The following ZNF717 variants were observed in gnomAD, a reference collection of about 807,000 sequenced individuals.
ZNF717 encodes krueppel-like factor X17.
ZNF717 carries 9 observed loss-of-function variants against 13.8 expected under a neutral mutation model. The ratio of observed to expected loss-of-function variants is 0.65; its 90% CI spans 0.39 to 1.14. The LOEUF is 1.14. Among genes scored for constraint, ZNF717 ranks in the 50% most tolerant of loss-of-function variants. The pLI, the probability that ZNF717 is intolerant of heterozygous loss-of-function variation, is 0.01. For missense variants in ZNF717, 1,040 were observed against 1,080.7 expected, an observed-to-expected ratio of 0.96 and a Z score of 0.53; for synonymous variants, 327 against 364.1, an observed-to-expected ratio of 0.90 and a Z score of 1.16.
chr3:75,705,835 G>T (rs1172952879), downstream of ZNF717, among the ~76,000 whole-genome samples: 19 of 151,798 alleles, frequency 1.3e-4, no homozygotes, highest in Admixed American at 2.6e-4. Flanking sequence ...CAGAGGTTCT[G>T]GGAAAATTCA....
rs1205597937 is a variant in ZNF717, at chr3:75,737,314, T to C, written c.2309A>G (p.Lys770Arg). 1 of 1,552,672 alleles carries C rather than the reference T, an allele frequency of 6.4e-7. No individual in the cohort carries two copies. The highest frequency in any genetic ancestry group is 8.7e-7 in the Non-Finnish European group (1 of 1,147,624). ...CCCCTGATGCGTACTGAGGTTTGACTTGTGACAAAAGGTTTTCCCACACTC... is the reference window on the plus strand; with the variant it reads ...CCCCTGATGCGTACTGAGGTTTGACCTGTGACAAAAGGTTTTCCCACACTC... ...CNECGKTFCHKSNLSTHQGTH... is the reference protein window; with the variant it reads ...CNECGKTFCHRSNLSTHQGTH... The change falls in exon 5 of 5, where the codon AAG becomes AGG. Residue 770 changes from lysine to arginine, a missense_variant. Transcript: ENST00000652011.
At chr3:75,708,986 T>C (rs1178244945), downstream of ZNF717, among the ~76,000 whole-genome samples, 2 of 128,324 alleles carry the variant, frequency 1.6e-5, no homozygotes, top group African/African-American at 3.1e-5. Context: ...CCACATCTTT[T>C]CTTTTTTTTC....
At chr3:75,761,424 C>T (rs562472869) in intron 2 of ZNF717, among the ~76,000 whole-genome samples, 4 of 152,374 alleles carry the variant, frequency 2.6e-5, no homozygotes, top group South Asian at 2.1e-4. Context: ...TAACATCATA[C>T]TCAATGGTGA....
At chr3:75,733,626 A>C (rs368770281), downstream of ZNF717, among the ~76,000 whole-genome samples, 3,575 of 151,014 alleles carry the variant, frequency 0.024, 142 homozygotes, top group African/African-American at 0.081. Flanking sequence ...AAAAATACAA[A>C]AAATTAGCCA....
intron 2 of ZNF717, among the ~76,000 whole-genome samples, chr3:75,751,558 C>T (rs1220227864): frequency 1.3e-5 from 2 of 151,082 alleles, no homozygotes; most frequent in East Asian, 3.9e-4. Context: ...GAGTATTTGT[C>T]CCTCACATAG....
At chr3:75,754,256 T>C (rs78443849) in intron 2 of ZNF717, among the ~76,000 whole-genome samples, 17,000 of 116,690 alleles carry the variant, frequency 0.15, no homozygotes, top group Non-Finnish European at 0.18. Context: ...GACACCTCAT[T>C]ACCACATTAC....
chr3:75,708,654 C>T (rs6549772), downstream of ZNF717, among the ~76,000 whole-genome samples: 63,132 of 151,270 alleles, frequency 0.42, 13,541 homozygotes, highest in South Asian at 0.61. Flanking sequence ...AGGATCCAGA[C>T]GATCAAACTA....
In ZNF717 at chr3:75,736,661, A is replaced by T. The variant is rs1205895650; in HGVS notation, c.*217T>A. ...TGAAGCTGGCAGAGGTTGGTATATG[A>T]GCTTCTAGGAAAACAGCCATATCTG... On this transcript the variant is annotated 3_prime_UTR_variant, in exon 5 of 5. Transcript: ENST00000652011. The T allele has an allele frequency of 3.7e-6, 2 of 542,422 alleles. No homozygotes were observed. The highest frequency in any genetic ancestry group is 6.4e-6 in the Non-Finnish European group (2 of 314,682). 33.6% of individuals were successfully genotyped at this position (542,422 alleles called of 1,614,324 possible). A position where few individuals can be genotyped will look rare whatever the true frequency, so the allele number is the denominator to read the frequency against.
chr3:75,738,594 T>C lies in ZNF717; in HGVS notation c.1029A>G (p.Glu343=), dbSNP rs767718666. ...ACTTACGGCGAAAGGTTTTACCACA[T>C]TCATTGCATCCATAGGGCTTTTCCC... The part of the protein sequence containing the change: ...HTGEKPYGCN[E]CGKTFRRKSF... The change falls in exon 5 of 5, where the codon GAA becomes GAG. Residue 343 remains glutamate, a synonymous_variant. Coordinates refer to ENST00000652011, the MANE Select transcript of ZNF717 (RefSeq NM_001290208.3). 1 of 1,542,140 alleles carries C rather than the reference T, an allele frequency of 6.5e-7. No individual in the cohort carries two copies. Among genetic ancestry groups the C allele is most frequent in the East Asian group, 2.5e-5 (1 of 40,584 alleles).
At chr3:75,782,540 G>A (rs1944891978) in intron 2 of ZNF717, among the ~76,000 whole-genome samples, 1 of 152,096 alleles carries the variant, frequency 6.6e-6, no homozygotes, top group African/African-American at 2.4e-5. Flanking sequence ...TGTTTCCACT[G>A]CACAACACTA....
Position 75,738,728 on chromosome 3 carries a change from T to A in ZNF717, c.895A>T (p.Met299Leu). Reference sequence around the variant, plus strand: ...TCAGTAGGCATCTTGCACTGTAGCATAAGGTCTGATTTGCTAATGGAGGGT... The same window carrying A: ...TCAGTAGGCATCTTGCACTGTAGCAAAAGGTCTGATTTGCTAATGGAGGGT... ...EKPSISKSDL[M>L]LQCKMPTEEK... The change falls in exon 5 of 5, where the codon ATG (methionine) becomes TTG (leucine). Residue 299 changes from methionine to leucine, a missense_variant. Around this residue, in one of 3 missense-constraint regions of ZNF717, gnomAD observed 873 missense variants for 832.8 expected, o/e 1.05. Coordinates refer to ENST00000652011, the MANE Select transcript of ZNF717 (RefSeq NM_001290208.3). 1 of 1,551,904 alleles carries A rather than the reference T, an allele frequency of 6.4e-7. No individual in the cohort carries two copies. The highest frequency in any genetic ancestry group is 8.7e-7 in the Non-Finnish European group (1 of 1,147,204).
At chr3:75,708,403 A>G (rs6805981), downstream of ZNF717, among the ~76,000 whole-genome samples, 121,549 of 147,490 alleles carry the variant, frequency 0.82, 48,225 homozygotes, top group Middle Eastern at 0.88. Context: ...TGCAGCTGAG[A>G]GTCCTGCCTG....
chr3:75,742,186 T>A (rs1447184367), intron 2 of ZNF717, among the ~76,000 whole-genome samples: 2 of 147,708 alleles, frequency 1.4e-5, no homozygotes, highest in Non-Finnish European at 3.0e-5. Flanking sequence ...AATATAGGCA[T>A]AATGCTGCAT....
chr3:75,717,169 T>C (rs1938072311), intron 4 of ZNF717, among the ~76,000 whole-genome samples: 1 of 152,182 alleles, frequency 6.6e-6, no homozygotes, highest in Admixed American at 6.5e-5. Context: ...ATCATGTTTC[T>C]ATATAAAAGT....
chr3:75,733,275 A>G (rs1938750942), downstream of ZNF717, among the ~76,000 whole-genome samples: 1 of 152,250 alleles, frequency 6.6e-6, no homozygotes, highest in Non-Finnish European at 1.5e-5. Flanking sequence ...AGAGAAATAG[A>G]AGAAACATCT....
intron 5 of ZNF717, among the ~76,000 whole-genome samples, chr3:75,711,843 G>T (rs1937946017): frequency 1.3e-5 from 2 of 152,172 alleles, no homozygotes; most frequent in Admixed American, 6.5e-5. Context: ...CACTTTTGGA[G>T]AAATTTTCAA....
chr3:75,734,724 C>CCA (rs1938929903), downstream of ZNF717, among the ~76,000 whole-genome samples: 1 of 129,354 alleles, frequency 7.7e-6, no homozygotes, highest in Admixed American at 7.9e-5. Context: ...CATAAGCCAC[C>CCA]GTACCTGGCT....
chr3:75,722,487 C>T (rs1334436995), intron 4 of ZNF717, among the ~76,000 whole-genome samples: 9 of 152,056 alleles, frequency 5.9e-5, no homozygotes, highest in Non-Finnish European at 1.2e-4. Context: ...GTGCCCCACA[C>T]AGACATGAGG....
chr3:75,716,241 G>T (rs1371588857), intron 5 of ZNF717, among the ~76,000 whole-genome samples: 1 of 150,524 alleles, frequency 6.6e-6, no homozygotes, highest in African/African-American at 2.5e-5. Context: ...GGCCTCCCAA[G>T]ATAAGATTGT....
Sources: gnomAD v4.1 joint callset for allele counts (sites outside exome capture counted in the v4.1 genomes callset) on GRCh38, gnomAD v4.1.1 for gene constraint, gnomAD v4.1.1 regional missense constraint, MANE v1.5 for transcripts, NCBI Gene and HGNC (gene_info 2026-07-23, HGNC 2026-07-21) for gene names.